Variants in RAB7A observed in about 807,000 individuals in gnomAD.
RAB7A encodes the protein RAB7A, member RAS oncogene family.
RAB7A carries 2 observed loss-of-function variants against 24.5 expected under a neutral mutation model. The observed-to-expected ratio is 0.08, with a 90% CI of 0.03 to 0.26. The LOEUF is 0.26. Among genes scored for constraint, RAB7A ranks in the 10% least tolerant of loss-of-function variants. The pLI is 1.00. For missense variants in RAB7A, 118 were observed against 255.7 expected, an observed-to-expected ratio of 0.46 and a Z score of 3.67; for synonymous variants, 100 against 95.9, an observed-to-expected ratio of 1.04 and a Z score of -0.25.
At chr3:128,741,672 C>T (rs2070555743) in intron 1 of RAB7A, among the ~76,000 whole-genome samples, 1 of 152,104 alleles carries the variant, frequency 6.6e-6, no homozygotes, top group Non-Finnish European at 1.5e-5. Flanking sequence ...GCATGAGCCA[C>T]CATGCCTGGC....
chr3:128,773,789 A>C (rs185482253), intron 1 of RAB7A, among the ~76,000 whole-genome samples: 1 of 152,162 alleles, frequency 6.6e-6, no homozygotes, highest in Non-Finnish European at 1.5e-5. Flanking sequence ...ACCTCCAACC[A>C]TGTGCTCTCT....
intron 3 of RAB7A, among the ~76,000 whole-genome samples, chr3:128,805,116 CTTTTG>C (rs757362209): frequency 2.7e-5 from 4 of 150,156 alleles, no homozygotes; most frequent in Non-Finnish European, 4.5e-5. Context: ...GCCAAGTGTT[CTTTTG>C]TTTGTTTGTT....
At chr3:128,793,996 T>G (rs537036330) in intron 1 of RAB7A, among the ~76,000 whole-genome samples, 3 of 152,360 alleles carry the variant, frequency 2.0e-5, no homozygotes, top group African/African-American at 7.2e-5. Flanking sequence ...GGATGGTTAC[T>G]TTCAAGAGCG....
chr3:128,795,717 T>C (rs1933552632), intron 2 of RAB7A, among the ~76,000 whole-genome samples: 1 of 148,382 alleles, frequency 6.7e-6, no homozygotes, highest in Admixed American at 6.8e-5. Context: ...CTTACGTAGA[T>C]GTATTGCCAT....
intron 1 of RAB7A, among the ~76,000 whole-genome samples, chr3:128,767,558 G>C (rs772158160): frequency 6.6e-6 from 1 of 152,162 alleles, no homozygotes; most frequent in Non-Finnish European, 1.5e-5. Context: ...GTATGGCTGG[G>C]GCTAAACCAG....
At chr3:128,754,653 A>G (rs1027621955) in intron 1 of RAB7A, among the ~76,000 whole-genome samples, 2 of 152,212 alleles carry the variant, frequency 1.3e-5, no homozygotes, top group Non-Finnish European at 2.9e-5. Context: ...GCTTCTAGCC[A>G]TAAGAGACCC....
chr3:128,757,353 A>G (rs530750730), intron 1 of RAB7A, among the ~76,000 whole-genome samples: 51 of 152,334 alleles, frequency 3.3e-4, no homozygotes, highest in African/African-American at 1.1e-3. Context: ...GGTTGGGGAA[A>G]GATGGCATTT....
intron 5 of RAB7A, 26 bp from the exon 6 acceptor site, chr3:128,813,301 C>A: frequency 6.2e-7 from 1 of 1,601,320 alleles, no homozygotes; most frequent in Non-Finnish European, 8.6e-7. Context: ...CCTGAGTAAC[C>A]AACCTTTCTC....
At chr3:128,771,445 C>G (rs1409623813) in intron 1 of RAB7A, among the ~76,000 whole-genome samples, 3 of 152,212 alleles carry the variant, frequency 2.0e-5, no homozygotes, top group African/African-American at 7.2e-5. Flanking sequence ...TCCATTTTGT[C>G]AGTAACCAGC....
intron 1 of RAB7A, among the ~76,000 whole-genome samples, chr3:128,783,112 A>G (rs1933257326): frequency 6.6e-6 from 1 of 152,138 alleles, no homozygotes; most frequent in Non-Finnish European, 1.5e-5. Context: ...CTGTCCCTGC[A>G]CAATTGTTTA....
At chr3:128,751,427 A>G (rs2107591471) in intron 1 of RAB7A, among the ~76,000 whole-genome samples, 1 of 152,340 alleles carries the variant, frequency 6.6e-6, no homozygotes. Context: ...GATGTGAGAC[A>G]TGGAGTCAAA....
intron 1 of RAB7A, chr3:128,785,413 A>C (rs1933317086): frequency 6.6e-6 from 1 of 152,072 alleles, no homozygotes; most frequent in African/African-American, 2.4e-5. Context: ...AAGCCACTGC[A>C]CTCCAACCTG....
chr3:128,797,938 T>G lies in RAB7A; in HGVS notation c.54-5T>G. ...CTTATACTTATGGTTTTTCTCCAATTTCAGAGTCGGGAAGACATCACTCAT... is the reference window on the plus strand; with the variant it reads ...CTTATACTTATGGTTTTTCTCCAATGTCAGAGTCGGGAAGACATCACTCAT... On this transcript the variant is annotated splice_region_variant and splice_polypyrimidine_tract_variant and intron_variant, in intron 2 of 5. Transcript: ENST00000265062. 6.2e-7 allele frequency: 1 copy of G among 1,613,508 alleles called. No homozygotes were observed.
chr3:128,765,086 G>A, intron 1 of RAB7A: 2 of 874,270 alleles, frequency 2.3e-6, no homozygotes, highest in South Asian at 1.4e-5. Flanking sequence ...GCCTTGGGAT[G>A]GTCCGAGGGT....
intron 1 of RAB7A, among the ~76,000 whole-genome samples, chr3:128,742,430 T>C (rs1412786699): frequency 6.6e-6 from 1 of 152,168 alleles, no homozygotes; most frequent in Non-Finnish European, 1.5e-5. Context: ...TTTTATTCCC[T>C]TATCTGATCC....
chr3:128,759,731 CG>C (rs2070762157), intron 1 of RAB7A, among the ~76,000 whole-genome samples: 2 of 151,356 alleles, frequency 1.3e-5, no homozygotes, highest in African/African-American at 4.9e-5. Flanking sequence ...TTTTCTGAGA[CG>C]GAGTTTCGCT....
chr3:128,795,791 G>C (rs71331610), intron 2 of RAB7A, among the ~76,000 whole-genome samples: 1 of 71,494 alleles, frequency 1.4e-5, no homozygotes, highest in African/African-American at 4.1e-5. Context: ...TCGCTCTGTC[G>C]CCCAGGCTGG....
chr3:128,776,672 A>C (rs1933097060), intron 1 of RAB7A, among the ~76,000 whole-genome samples: 1 of 152,196 alleles, frequency 6.6e-6, no homozygotes, highest in Admixed American at 6.5e-5. Flanking sequence ...TGCAGTGAAC[A>C]TGTGAGTGCA....
intron 1 of RAB7A, among the ~76,000 whole-genome samples, chr3:128,761,605 T>A (rs1443631334): frequency 1.3e-5 from 2 of 152,212 alleles, no homozygotes; most frequent in Non-Finnish European, 2.9e-5. Flanking sequence ...GTGTCCAGAT[T>A]GGCATGACCT....
Sources: gnomAD v4.1 joint callset for allele counts (sites outside exome capture counted in the v4.1 genomes callset) on GRCh38, gnomAD v4.1.1 for gene constraint, MANE v1.5 for transcripts, NCBI Gene and HGNC (gene_info 2026-07-23, HGNC 2026-07-21) for gene names.